Variants in PRDM10 observed in about 807,000 individuals in gnomAD.
PRDM10 encodes the protein PR/SET domain 10.
In PRDM10, 65 loss-of-function variants were observed where a neutral mutation model predicts 133.1. The ratio of observed to expected loss-of-function variants is 0.49; its 90% CI spans 0.40 to 0.60. PRDM10 has a LOEUF of 0.60. Ranked by LOEUF, PRDM10 falls within the 20% of genes least tolerant of loss-of-function variation. The pLI, the probability that PRDM10 is intolerant of heterozygous loss-of-function variation, is 0.00. For missense variants in PRDM10, 1,137 were observed against 1,507.1 expected, an observed-to-expected ratio of 0.75 and a Z score of 4.07; for synonymous variants, 582 against 580.4, an observed-to-expected ratio of 1.00 and a Z score of -0.04.
chr11:129,989,616 C>A (rs571316445), intron 1 of PRDM10, among the ~76,000 whole-genome samples: 1 of 152,240 alleles, frequency 6.6e-6, no homozygotes, highest in Admixed American at 6.5e-5. Flanking sequence ...TATGACTCAA[C>A]AAATCACAAA....
Position 129,902,248 on chromosome 11 carries a change from C to A in PRDM10, c.*65G>T. 6.5e-7 allele frequency: 1 copy of A among 1,542,346 alleles called. No individual in the cohort carries two copies. ...AATCTTACAAAAGAGCTCTACGTGT[C>A]AGAGCTTTCAGACTTATGAGAACAG... On this transcript the variant is annotated 3_prime_UTR_variant, in exon 21 of 21. Transcript: ENST00000360871.
At chr11:129,961,208 T>TA (rs1255307708) in intron 1 of PRDM10, 126 bp from the exon 2 acceptor site, 3 of 477,466 alleles carry the variant, frequency 6.3e-6, no homozygotes, top group African/African-American at 6.0e-5. Flanking sequence ...CAAAAAAATG[T>TA]AAAAATGAAG....
Position 129,931,010 on chromosome 11 carries a change from A to G in PRDM10, c.1530+6T>C, listed in dbSNP as rs768315175. ...GTGCCAGGAGCCGCCGGCTTTCCCC[A>G]CTTACTCGGATGCGCTTGGCTCTGC... On this transcript the variant is annotated splice_donor_region_variant and intron_variant, in intron 11 of 20. Transcript: ENST00000360871. 1 of 1,597,060 alleles carries G rather than the reference A, an allele frequency of 6.3e-7. No homozygotes were observed. The highest frequency in any genetic ancestry group is 8.5e-7 in the Non-Finnish European group (1 of 1,170,538).
At chr11:129,916,152 C>T (rs1487102934) in intron 15 of PRDM10, among the ~76,000 whole-genome samples, 1 of 152,120 alleles carries the variant, frequency 6.6e-6, no homozygotes, top group Non-Finnish European at 1.5e-5. Flanking sequence ...ATATGATACA[C>T]AGACAGAGGA....
At chr11:129,949,831 G>A (rs2135894011) in intron 4 of PRDM10, among the ~76,000 whole-genome samples, 1 of 152,120 alleles carries the variant, frequency 6.6e-6, no homozygotes, top group Non-Finnish European at 1.5e-5. Context: ...CTACTCGGGA[G>A]CCTGAGGCAG....
intron 1 of PRDM10, among the ~76,000 whole-genome samples, chr11:129,994,082 T>C (rs910376919): frequency 1.8e-4 from 27 of 152,132 alleles, no homozygotes; most frequent in Non-Finnish European, 4.4e-5. Context: ...TTTATAACCA[T>C]TTAAAACCAT....
At chr11:129,910,784 T>G in intron 18 of PRDM10, 128 bp from the exon 19 acceptor site, 1 of 994,080 alleles carries the variant, frequency 1.0e-6, no homozygotes, top group African/African-American at 1.7e-5. Context: ...TGCTATTTTT[T>G]TTTTCTTTTG....
At chr11:129,938,280 T>C (rs1322223291) in intron 7 of PRDM10, among the ~76,000 whole-genome samples, 1 of 152,198 alleles carries the variant, frequency 6.6e-6, no homozygotes, top group Non-Finnish European at 1.5e-5. Context: ...CTCTCTCTGT[T>C]CCCTCTGAGT....
intron 1 of PRDM10, among the ~76,000 whole-genome samples, chr11:129,998,926 G>T (rs546984001): frequency 6.6e-6 from 1 of 151,612 alleles, no homozygotes; most frequent in Non-Finnish European, 1.5e-5. Flanking sequence ...GGGCTCAGGT[G>T]ATTCTCCCAC....
chr11:129,918,770 T>G lies in PRDM10; in HGVS notation c.2035-52A>C. On this transcript the variant is annotated intron_variant, in intron 13 of 20. Coordinates refer to ENST00000360871, the MANE Select transcript of PRDM10 (RefSeq NM_199437.2). The surrounding 1 kb of genome is among the most constrained non-coding windows in gnomAD (Gnocchi z 5.3). ...GGGTAGACACGGGGGTAGAAAATTTTTAACTGAAGGGATCATTTTAAAAAT... is the reference window on the plus strand; with the variant it reads ...GGGTAGACACGGGGGTAGAAAATTTGTAACTGAAGGGATCATTTTAAAAAT... The G allele has an allele frequency of 6.7e-7, 1 of 1,482,362 alleles. No homozygotes were observed. The highest frequency in any genetic ancestry group is 9.2e-7 in the Non-Finnish European group (1 of 1,086,998). The allele number at this position is 1,482,362 out of a possible 1,614,324, so 91.8% of individuals were successfully genotyped here.
intron 1 of PRDM10, among the ~76,000 whole-genome samples, chr11:129,988,194 C>T (rs1938532734): frequency 2.0e-5 from 3 of 151,880 alleles, no homozygotes; most frequent in Admixed American, 6.6e-5. Flanking sequence ...ACAGTGGTTG[C>T]CTAGGGATTA....
At chr11:129,924,553 G>C (rs1166209385) in intron 12 of PRDM10, among the ~76,000 whole-genome samples, 1 of 152,156 alleles carries the variant, frequency 6.6e-6, no homozygotes, top group South Asian at 2.1e-4. Flanking sequence ...CCTCAGAAAC[G>C]GGAGTATGTC....
intron 11 of PRDM10, among the ~76,000 whole-genome samples, chr11:129,930,487 G>A (rs797010563): frequency 2.0e-4 from 30 of 152,266 alleles, no homozygotes; most frequent in African/African-American, 7.0e-4. Context: ...ACTAACTCTC[G>A]AACTGACAGC....
At position 129,988,474 on chromosome 11, in the gene PRDM10, C is replaced by T. The variant is rs1252971262; in HGVS notation, c.-119+14248G>A. 2.0e-5 allele frequency among the ~76,000 whole-genome samples: 3 copies of T among 151,952 alleles called. No individual in the cohort carries two copies. The East Asian group carries it at 5.8e-4, about 29-fold the overall frequency. ...CTCGAACTCCTGGGCTCAAGTGATT[C>T]ACCTGCCTCGGCCTCCCAAAGTGCT... is the stretch of plus-strand genomic sequence containing the variant. On this transcript the variant is annotated intron_variant, in intron 1 of 20. Coordinates refer to ENST00000360871, the MANE Select transcript of PRDM10 (RefSeq NM_199437.2).
intron 1 of PRDM10, among the ~76,000 whole-genome samples, chr11:129,995,183 G>A (rs576704886): frequency 6.6e-6 from 1 of 152,246 alleles, no homozygotes; most frequent in African/African-American, 2.4e-5. Context: ...ACACAGTCCG[G>A]AATAATTTTC....
chr11:129,935,619 A>C (rs1951004900), intron 8 of PRDM10, among the ~76,000 whole-genome samples: 1 of 152,222 alleles, frequency 6.6e-6, no homozygotes, highest in Non-Finnish European at 1.5e-5. Flanking sequence ...GTCAATGCCC[A>C]GTATAATTAG....
chr11:129,942,668 C>T (rs373094368), intron 6 of PRDM10, 39 bp from the exon 7 acceptor site: 2 of 1,520,972 alleles, frequency 1.3e-6, no homozygotes, highest in Admixed American at 1.8e-5. Flanking sequence ...CAAAACAAAA[C>T]CTTCAATATG....
At chr11:129,969,633 G>A (rs1966923) in intron 1 of PRDM10, among the ~76,000 whole-genome samples, 57,323 of 139,326 alleles carry the variant, frequency 0.41, 15,323 homozygotes, top group African/African-American at 0.75. Context: ...ATCTCTACTA[G>A]AAATACAAAA....
At chr11:129,970,312 T>C (rs1445546914) in intron 1 of PRDM10, among the ~76,000 whole-genome samples, 1 of 152,194 alleles carries the variant, frequency 6.6e-6, no homozygotes, top group Non-Finnish European at 1.5e-5. Context: ...ACATTATATC[T>C]CTACTTTACA....
Sources: gnomAD v4.1 joint callset for allele counts (sites outside exome capture counted in the v4.1 genomes callset) on GRCh38, gnomAD v4.1.1 for gene constraint, Gnocchi (gnomAD v3.1) non-coding constraint, MANE v1.5 for transcripts, NCBI Gene and HGNC (gene_info 2026-07-23, HGNC 2026-07-21) for gene names.